The following LHPP variants were observed in gnomAD, a reference collection of about 807,000 sequenced individuals.
LHPP encodes the protein phospholysine phosphohistidine inorganic pyrophosphate phosphatase, also known as hLHPP.
A neutral mutation model predicts 30.3 loss-of-function variants in LHPP; 24 were observed. The ratio of observed to expected loss-of-function variants is 0.79; its 90% confidence interval spans 0.57 to 1.11. LHPP has a LOEUF of 1.11. Among genes scored for constraint, LHPP ranks in the 50% most tolerant of loss-of-function variants. LHPP has a pLI of 0.00. For missense variants in LHPP, 356 were observed against 367.2 expected (o/e 0.97, Z 0.25); for synonymous variants, 150 against 157.1 (o/e 0.95, Z 0.34).
At chr10:124,544,562 C>T (rs1220809935) in intron 6 of LHPP, among the ~76,000 whole-genome samples, 1 of 152,176 alleles carries the variant, frequency 6.6e-6, no homozygotes, top group East Asian at 1.9e-4. Context: ...CCACCAGACC[C>T]GAATCCACCT....
At chr10:124,507,901 G>T (rs1373783937) in intron 5 of LHPP, among the ~76,000 whole-genome samples, 4 of 117,580 alleles carry the variant, frequency 3.4e-5, no homozygotes, top group Non-Finnish European at 7.0e-5. Flanking sequence ...GGTCGGGGGG[G>T]TAGACAGGAT....
intron 6 of LHPP, among the ~76,000 whole-genome samples, chr10:124,527,781 T>G (rs68097172): frequency 0.24 from 36,524 of 151,426 alleles, 4,938 homozygotes; most frequent in African/African-American, 0.33. Context: ...GCTTTTTTTT[T>G]TTTGTTTTTT....
intron 6 of LHPP, among the ~76,000 whole-genome samples, chr10:124,537,573 G>A (rs1955058875): frequency 6.6e-6 from 1 of 152,240 alleles, no homozygotes; most frequent in Non-Finnish European, 1.5e-5. Context: ...CCCTTCCCCA[G>A]TCCCACAAGA....
chr10:124,482,691 G>A (rs954795210), intron 1 of LHPP, among the ~76,000 whole-genome samples: 1 of 152,018 alleles, frequency 6.6e-6, no homozygotes, highest in Non-Finnish European at 1.5e-5. Context: ...CCTGGTGGGC[G>A]CCAGGTCCTC....
rs1948671767 is a variant in LHPP, at chr10:124,576,976, G to C, written c.717-36288G>C. 6.6e-6 allele frequency among the ~76,000 whole-genome samples: 1 copy of C among 152,216 alleles called. No homozygotes were observed. ...CCGCCCTCTCAACAGCCACGACCCAGAAATAAAGTAGGCACTGTAATTTGC... is the reference window on the plus strand; with the variant it reads ...CCGCCCTCTCAACAGCCACGACCCACAAATAAAGTAGGCACTGTAATTTGC... On this transcript the variant is annotated intron_variant, in intron 6 of 6. Transcript: ENST00000368842. The surrounding 1 kb of genome is among the most constrained non-coding windows in gnomAD (Gnocchi z 4.2).
At chr10:124,490,631 A>C in intron 3 of LHPP, 1 of 207,754 alleles carries the variant, frequency 4.8e-6, no homozygotes, top group Non-Finnish European at 1.1e-5. Context: ...TTTTTTTCTA[A>C]CTGATCTCTG....
chr10:124,612,280 C>T (rs1391178332), intron 6 of LHPP, among the ~76,000 whole-genome samples: 1 of 152,280 alleles, frequency 6.6e-6, no homozygotes, highest in East Asian at 1.9e-4. Flanking sequence ...GTGGCGGGTG[C>T]CTGTAGTCCC....
At chr10:124,484,878 C>A (rs1312677119) in intron 2 of LHPP, among the ~76,000 whole-genome samples, 3 of 152,066 alleles carry the variant, frequency 2.0e-5, no homozygotes, top group Non-Finnish European at 2.9e-5. Flanking sequence ...AACAGACAGC[C>A]CCTTTGACCC....
At chr10:124,527,770 T>C (rs989964752) in intron 6 of LHPP, among the ~76,000 whole-genome samples, 1 of 105,728 alleles carries the variant, frequency 9.5e-6, no homozygotes, top group Admixed American at 9.4e-5. Context: ...GATCTCTTTG[T>C]GCTTTTTTTT....
At chr10:124,589,857 C>T (rs919731545) in intron 6 of LHPP, among the ~76,000 whole-genome samples, 1 of 152,220 alleles carries the variant, frequency 6.6e-6, no homozygotes, top group Non-Finnish European at 1.5e-5. Context: ...TCCAGCCCCG[C>T]TCGGCTCTGA....
At chr10:124,513,109 G>A (rs1377091476) in intron 5 of LHPP, among the ~76,000 whole-genome samples, 1 of 138,074 alleles carries the variant, frequency 7.2e-6, no homozygotes, top group Non-Finnish European at 1.6e-5. Context: ...TTTGTTTTAA[G>A]ACAGAGTTTT....
At chr10:124,584,633 C>G (rs1948779768) in intron 6 of LHPP, among the ~76,000 whole-genome samples, 6 of 152,138 alleles carry the variant, frequency 3.9e-5, no homozygotes, top group Admixed American at 3.9e-4. Context: ...CTAAAGGCCC[C>G]ACCTCGAAAT....
At chr10:124,564,155 G>A (rs572811986) in intron 6 of LHPP, among the ~76,000 whole-genome samples, 10 of 149,674 alleles carry the variant, frequency 6.7e-5, no homozygotes, top group African/African-American at 1.7e-4. Context: ...ACGGAGTCTC[G>A]CTCTGTCACC....
At position 124,496,475 on chromosome 10, in the gene LHPP, G is replaced by A. The variant is rs1018796495; in HGVS notation, c.468-486G>A. Among the ~76,000 whole-genome samples, 1 of 152,184 alleles carries A rather than the reference G, an allele frequency of 6.6e-6. No homozygotes were observed. Among genetic ancestry groups the A allele is most frequent in the Non-Finnish European group, 1.5e-5 (1 of 68,022 alleles). On this transcript the variant is annotated intron_variant, in intron 3 of 6. Coordinates refer to ENST00000368842, the MANE Select transcript of LHPP (RefSeq NM_022126.4). The surrounding 1 kb of genome is among the most constrained non-coding windows in gnomAD (Gnocchi z 4.3). ...AAACCTGGCACCTCGCTTGACCTCC[G>A]GCTAACGGGATGCGGCAGGGTGCTG... is the stretch of plus-strand genomic sequence containing the variant.
intron 5 of LHPP, among the ~76,000 whole-genome samples, chr10:124,501,155 G>C (rs970884764): frequency 1.3e-4 from 20 of 151,910 alleles, no homozygotes; most frequent in African/African-American, 4.9e-4. Flanking sequence ...AAACACAAAA[G>C]GACACATATT....
At chr10:124,566,230 T>A (rs1948488918) in intron 6 of LHPP, among the ~76,000 whole-genome samples, 1 of 152,232 alleles carries the variant, frequency 6.6e-6, no homozygotes, top group South Asian at 2.1e-4. Flanking sequence ...CTCCAGATTC[T>A]TGGCGCCTTC....
intron 5 of LHPP, among the ~76,000 whole-genome samples, chr10:124,504,736 T>C (rs1321354000): frequency 3.3e-5 from 5 of 152,172 alleles, no homozygotes; most frequent in African/African-American, 1.2e-4. Flanking sequence ...GGTCTGACCT[T>C]GGGTGGTCTC....
intron 6 of LHPP, among the ~76,000 whole-genome samples, chr10:124,561,842 A>G (rs1243217681): frequency 6.6e-6 from 1 of 152,190 alleles, no homozygotes; most frequent in Non-Finnish European, 1.5e-5. Context: ...CTGTCATGCT[A>G]AGAACCAAGG....
At chr10:124,508,331 T>C (rs1954213601) in intron 5 of LHPP, among the ~76,000 whole-genome samples, 1 of 152,176 alleles carries the variant, frequency 6.6e-6, no homozygotes, top group South Asian at 2.1e-4. Context: ...CAGGCTGGCC[T>C]GCTGGGCCGT....
Sources: allele counts gnomAD v4.1 joint callset (sites outside exome capture counted in the v4.1 genomes callset), GRCh38; gene constraint gnomAD v4.1.1; non-coding constraint Gnocchi (gnomAD v3.1); transcripts MANE v1.5; gene names NCBI Gene and HGNC (gene_info 2026-07-23, HGNC 2026-07-21).